The following IGFBP5 variants were observed in gnomAD, a reference collection of about 807,000 sequenced individuals.
IGFBP5 encodes the protein insulin like growth factor binding protein 5.
IGFBP5 carries 12 observed loss-of-function variants against 28.0 expected under a neutral mutation model. That is an observed-to-expected ratio of 0.43 (90% CI 0.27 to 0.69). IGFBP5 has a LOEUF of 0.69. Ranked by LOEUF, IGFBP5 falls within the 30% of genes least tolerant of loss-of-function variation. IGFBP5 has a pLI of 0.20. For missense variants in IGFBP5, 344 were observed against 381.6 expected (o/e 0.90, Z 0.82); for synonymous variants, 152 against 150.2 (o/e 1.01, Z -0.09).
chr2:216,685,401 A>C (rs1559187887), intron 1 of IGFBP5, among the ~76,000 whole-genome samples: 1 of 152,242 alleles, frequency 6.6e-6, no homozygotes, highest in East Asian at 1.9e-4. Context: ...CTTCGTGGCC[A>C]CATATGGACA....
intron 1 of IGFBP5, among the ~76,000 whole-genome samples, chr2:216,680,815 A>C (rs1243139197): frequency 6.6e-6 from 1 of 151,932 alleles, no homozygotes; most frequent in African/African-American, 2.4e-5. Flanking sequence ...TCCCTAAATA[A>C]AATTCAACCT....
intron 1 of IGFBP5, among the ~76,000 whole-genome samples, chr2:216,687,631 G>A (rs1281850992): frequency 1.3e-5 from 2 of 152,194 alleles, no homozygotes; most frequent in African/African-American, 4.8e-5. Flanking sequence ...TTTGGAGTTG[G>A]GGAAGGGGGA....
Position 216,695,356 on chromosome 2 carries a change from A to T in IGFBP5, c.-581T>A, listed in dbSNP as rs982461637. On this transcript the variant is annotated 5_prime_UTR_variant, in exon 1 of 4. Transcript: ENST00000233813. ...TAAAAAACAAAAACAAAAACAAAAA[A>T]ACCCCAAACCCTAACACCTCTTTTC... is the stretch of plus-strand genomic sequence containing the variant. 1 of 152,172 alleles carries T rather than the reference A, an allele frequency of 6.6e-6. No individual in the cohort carries two copies. Among genetic ancestry groups the T allele is most frequent in the Non-Finnish European group, 1.5e-5 (1 of 68,038 alleles). The allele number at this position is 152,172 out of a possible 1,614,324, so 9.4% of individuals were successfully genotyped here.
At chr2:216,681,125 C>A (rs1688973704) in intron 1 of IGFBP5, among the ~76,000 whole-genome samples, 1 of 152,140 alleles carries the variant, frequency 6.6e-6, no homozygotes, top group African/African-American at 2.4e-5. Flanking sequence ...ACACAGGCCT[C>A]ACGCCAAGGC....
chr2:216,689,302 A>G (rs960466008), intron 1 of IGFBP5, among the ~76,000 whole-genome samples: 1 of 152,196 alleles, frequency 6.6e-6, no homozygotes, highest in African/African-American at 2.4e-5. Flanking sequence ...TGGACCTGAA[A>G]GCTGGGGTGA....
At chr2:216,680,501 C>T (rs147845204) in intron 1 of IGFBP5, among the ~76,000 whole-genome samples, 145 of 152,254 alleles carry the variant, frequency 9.5e-4, no homozygotes, top group African/African-American at 3.3e-3. Context: ...GGGCAAGTTC[C>T]AGGTGTGAGT....
chr2:216,676,321 G>A lies in IGFBP5; in HGVS notation c.*430C>T, dbSNP rs569239657. On this transcript the variant is annotated 3_prime_UTR_variant, in exon 4 of 4. Transcript: ENST00000233813. ...GCATCTTCTAGCGCCCACCTCTCCC[G>A]ACCCCAGGCCAGGGCTGGACGTGAA... The A allele has an allele frequency of 3.6e-4, 58 of 160,852 alleles. No homozygotes were observed. The South Asian group carries it at 3.7e-3, about 10-fold the overall frequency. 10.0% of individuals were successfully genotyped at this position (160,852 alleles called of 1,614,324 possible). A position where few individuals can be genotyped will look rare whatever the true frequency, so the allele number is the denominator to read the frequency against.
chr2:216,676,510 C>G lies in IGFBP5; in HGVS notation c.*241G>C. ...CCTTCTCTGTTCATCCAACTTGCCT[C>G]AAAAAGAAAACCATTTAAAGGGGGG... On this transcript the variant is annotated 3_prime_UTR_variant, in exon 4 of 4. Transcript: ENST00000233813. The G allele has an allele frequency of 3.2e-6, 1 of 312,964 alleles. No individual in the cohort carries two copies. Among genetic ancestry groups the G allele is most frequent in the Non-Finnish European group, 6.0e-6 (1 of 167,376 alleles). The allele number at this position is 312,964 out of a possible 1,614,324, so 19.4% of individuals were successfully genotyped here.
chr2:216,694,732 G>A lies in IGFBP5; in HGVS notation c.44C>T (p.Ala15Val), dbSNP rs1396915846. Residue 15 changes from alanine to valine, a missense_variant, in exon 1 of 4, where the codon GCG (alanine) becomes GTG (valine). By Grantham distance (64) the Ala-to-Val change is moderately conservative. Transcript: ENST00000233813. The surrounding 1 kb of genome is among the most constrained non-coding windows in gnomAD (Gnocchi z 5.2). ...TAVLLLLAAYAGPAQSLGSFV... is the reference protein window; with the variant it reads ...TAVLLLLAAYVGPAQSLGSFV... ...GGAGCCCAGGCTCTGGGCCGGCCCC[G>A]CATAGGCGGCCAGCAGCAGGAGGAC... 1 of 1,450,114 alleles carries A rather than the reference G, an allele frequency of 6.9e-7. No individual in the cohort carries two copies. The highest frequency in any genetic ancestry group is 9.0e-7 in the Non-Finnish European group (1 of 1,105,940). 89.8% of individuals were successfully genotyped at this position (1,450,114 alleles called of 1,614,324 possible). A position where few individuals can be genotyped will look rare whatever the true frequency, so the allele number is the denominator to read the frequency against.
chr2:216,693,534 C>G (rs559228317), intron 1 of IGFBP5, among the ~76,000 whole-genome samples: 83 of 152,116 alleles, frequency 5.5e-4, no homozygotes, highest in African/African-American at 1.8e-3. Context: ...AAGTTGAAAG[C>G]TCTGAATCTC....
chr2:216,683,707 C>T (rs1331548323), intron 1 of IGFBP5, among the ~76,000 whole-genome samples: 1 of 152,206 alleles, frequency 6.6e-6, no homozygotes, highest in Non-Finnish European at 1.5e-5. Context: ...ATGTGGAATG[C>T]TCAGCATCCA....
At chr2:216,693,935 G>C (rs1412090937) in intron 1 of IGFBP5, among the ~76,000 whole-genome samples, 4 of 151,888 alleles carry the variant, frequency 2.6e-5, no homozygotes. Flanking sequence ...GGGGTGGAGG[G>C]GCCAAGAGGG....
chr2:216,689,628 G>A (rs1689070804), intron 1 of IGFBP5, among the ~76,000 whole-genome samples: 2 of 152,240 alleles, frequency 1.3e-5, no homozygotes, highest in Non-Finnish European at 2.9e-5. Flanking sequence ...TGAATGCAGT[G>A]CTGGAGCCCC....
rs1689109466 is a variant in IGFBP5 at position 216,692,350 on chromosome 2, G to C, written c.337+2089C>G. ...GGAATTCTACAGGGGATCTTGCTTGGGACTGAAGTGTCGTGTGTGTGTGTG... is the reference window on the plus strand; with the variant it reads ...GGAATTCTACAGGGGATCTTGCTTGCGACTGAAGTGTCGTGTGTGTGTGTG... On this transcript the variant is annotated intron_variant, in intron 1 of 3. Coordinates refer to ENST00000233813, the MANE Select transcript of IGFBP5 (RefSeq NM_000599.4). The surrounding 1 kb of genome is among the most constrained non-coding windows in gnomAD (Gnocchi z 4.2). 7.0e-6 allele frequency among the ~76,000 whole-genome samples: 1 copy of C among 142,888 alleles called. No homozygotes were observed. Among genetic ancestry groups the C allele is most frequent in the Non-Finnish European group, 1.5e-5 (1 of 65,758 alleles). The allele number at this position is 142,888 out of a possible 152,430, so 93.7% of individuals were successfully genotyped here. A position where few individuals can be genotyped will look rare whatever the true frequency, so the allele number is the denominator to read the frequency against.
At position 216,694,412 on chromosome 2, in the gene IGFBP5, A is replaced by G; in HGVS notation, c.337+27T>C. 6.8e-7 allele frequency: 1 copy of G among 1,469,226 alleles called. No individual in the cohort carries two copies. The highest frequency in any genetic ancestry group is 9.0e-7 in the Non-Finnish European group (1 of 1,111,144). 91.0% of individuals were successfully genotyped at this position (1,469,226 alleles called of 1,614,324 possible). A position where few individuals can be genotyped will look rare whatever the true frequency, so the allele number is the denominator to read the frequency against. ...GTGTCCCCCGCCCGTGCGCCGCGTA[A>G]CTGACTGGCACACTGAGCGCGCTCA... On this transcript the variant is annotated intron_variant, in intron 1 of 3. Transcript: ENST00000233813. The surrounding 1 kb of genome is among the most constrained non-coding windows in gnomAD (Gnocchi z 5.2).
At position 216,694,432 on chromosome 2, in the gene IGFBP5, C is replaced by T; in HGVS notation, c.337+7G>A. ...GCGTAACTGACTGGCACACTGAGCG[C>T]GCTCACCGATCTTGACTTGCTCGCG... is the stretch of plus-strand genomic sequence containing the variant. On this transcript the variant is annotated splice_region_variant and intron_variant, in intron 1 of 3. Coordinates refer to ENST00000233813, the MANE Select transcript of IGFBP5 (RefSeq NM_000599.4). The surrounding 1 kb of genome is among the most constrained non-coding windows in gnomAD (Gnocchi z 5.2). 2 of 1,523,078 alleles carry T rather than the reference C, an allele frequency of 1.3e-6. No homozygotes were observed. The allele number at this position is 1,523,078 out of a possible 1,614,324, so 94.3% of individuals were successfully genotyped here.
At position 216,679,228 on chromosome 2, in the gene IGFBP5, G is replaced by C. The variant is rs768192049; in HGVS notation, c.338-149C>G. The C allele has an allele frequency of 4.4e-6, 3 of 681,818 alleles. No homozygotes were observed. The highest frequency in any genetic ancestry group is 2.4e-4 in the Middle Eastern group (1 of 4,194). The allele number at this position is 681,818 out of a possible 1,614,324, so 42.2% of individuals were successfully genotyped here. ...CTGGAGCACACCCTGAAAGCAGGGG[G>C]ATAAGAACCAGGAAGCAGAGGGAAT... On this transcript the variant is annotated intron_variant, in intron 1 of 3. Coordinates refer to ENST00000233813, the MANE Select transcript of IGFBP5 (RefSeq NM_000599.4). This position sits in a 1 kb window ranked among gnomAD's most constrained non-coding sequence, Gnocchi z 4.6.
intron 1 of IGFBP5, among the ~76,000 whole-genome samples, chr2:216,680,046 T>C (rs1237877055): frequency 2.0e-5 from 3 of 152,108 alleles, no homozygotes; most frequent in Non-Finnish European, 4.4e-5. Context: ...TAGGCATCCA[T>C]CCCTGGGTCC....
rs201110756 is a variant in IGFBP5 at position 216,676,747 on chromosome 2, C to T, written c.*4G>A. 1.4e-5 allele frequency: 22 copies of T among 1,609,660 alleles called. No homozygotes were observed. The African/African-American group carries it at 2.0e-4, about 15-fold the overall frequency. ...GGGTGAGGGAAAGGTTGGGGGGGGA[C>T]GCATCACTCAACGTTGCTGCTGTCG... On this transcript the variant is annotated 3_prime_UTR_variant, in exon 4 of 4. Transcript: ENST00000233813.
Sources: allele counts gnomAD v4.1 joint callset (sites outside exome capture counted in the v4.1 genomes callset), GRCh38; gene constraint gnomAD v4.1.1; non-coding constraint Gnocchi (gnomAD v3.1); transcripts MANE v1.5; gene names NCBI Gene and HGNC (gene_info 2026-07-23, HGNC 2026-07-21).